ALDH1L2: variants seen among roughly 807,000 people sequenced by gnomAD.
The protein encoded by ALDH1L2 is mitochondrial 10-formyltetrahydrofolate dehydrogenase.
In ALDH1L2, 91 loss-of-function variants were observed where a neutral mutation model predicts 111.0. That is an observed-to-expected ratio of 0.82 (90% confidence interval 0.69 to 0.98). The LOEUF (loss-of-function observed/expected upper bound fraction) is 0.98. ALDH1L2 is among the 50% of genes least tolerant of loss of function. The probability of loss-of-function intolerance (pLI) is 0.00; values close to 1 mark genes in which losing one functional copy is unlikely to be tolerated. For missense variants in ALDH1L2, 995 were observed against 1,126.8 expected (o/e 0.88, Z 1.67); for synonymous variants, 374 against 392.6 (o/e 0.95, Z 0.56).
At chr12:105,060,937 C>A (rs1876957615) in intron 9 of ALDH1L2, 44 bp downstream of exon 9, 1 of 1,545,812 alleles carries the variant, frequency 6.5e-7, no homozygotes. Context: ...GTCAAAATCT[C>A]TAGTGAGGGA....
At chr12:105,029,646 T>C (rs915612543) in intron 21 of ALDH1L2, among the ~76,000 whole-genome samples, 1 of 152,212 alleles carries the variant, frequency 6.6e-6, no homozygotes, top group African/African-American at 2.4e-5. Context: ...CCTGAAGTCT[T>C]TTATACTATA....
chr12:105,058,651 T>C (rs147592106), intron 9 of ALDH1L2, among the ~76,000 whole-genome samples: 111 of 152,354 alleles, frequency 7.3e-4, no homozygotes, highest in African/African-American at 2.5e-3. Flanking sequence ...TGGACATTTG[T>C]TTGTATTACG....
intron 2 of ALDH1L2, chr12:105,072,502 A>G (rs1877795362): frequency 6.6e-6 from 1 of 152,170 alleles, no homozygotes; most frequent in Non-Finnish European, 1.5e-5. Context: ...GACCAGCACA[A>G]TAGTGTTCAC....
intron 19 of ALDH1L2, 105 bp downstream of exon 19, chr12:105,034,195 A>G (rs1874855326): frequency 3.7e-6 from 4 of 1,095,674 alleles, no homozygotes; most frequent in Non-Finnish European, 5.3e-6. Context: ...CATAACCACA[A>G]TACTGTTATC....
At position 105,031,947 on chromosome 12, in the gene ALDH1L2, C is replaced by T; in HGVS notation, c.2245-13G>A. 2 of 1,612,498 alleles carry T rather than the reference C, an allele frequency of 1.2e-6. No individual in the cohort carries two copies. The highest frequency in any genetic ancestry group is 2.2e-5 in the South Asian group (2 of 90,926). On this transcript the variant is annotated splice_polypyrimidine_tract_variant and intron_variant, in intron 19 of 22. Coordinates refer to ENST00000258494, the MANE Select transcript of ALDH1L2 (RefSeq NM_001034173.4). Reference sequence around the variant, plus strand: ...TAATTTCTTCTACCTGTATGTTACCCAGTCCATAAAAACACAATTCACTGT... The same window carrying T: ...TAATTTCTTCTACCTGTATGTTACCTAGTCCATAAAAACACAATTCACTGT...
At chr12:105,050,754 A>G (rs1167033327) in intron 12 of ALDH1L2, 4 of 442,662 alleles carry the variant, frequency 9.0e-6, no homozygotes, top group Admixed American at 2.5e-5. Flanking sequence ...TAAAGGAAAG[A>G]GGCAAGAGCA....
chr12:105,050,302 A>G (rs1026431845), intron 12 of ALDH1L2: 4 of 283,334 alleles, frequency 1.4e-5, no homozygotes, highest in East Asian at 6.8e-5. Flanking sequence ...TGCCTCATCT[A>G]TGTGTAAGAA....
chr12:105,045,952 T>C (rs1421732920), intron 15 of ALDH1L2, among the ~76,000 whole-genome samples: 1 of 151,902 alleles, frequency 6.6e-6, no homozygotes, highest in East Asian at 1.9e-4. Context: ...TTTTACATAG[T>C]GCACTTTATA....
chr12:105,059,468 G>A (rs565900980), intron 9 of ALDH1L2, among the ~76,000 whole-genome samples: 9 of 151,998 alleles, frequency 5.9e-5, no homozygotes, highest in Non-Finnish European at 1.2e-4. Flanking sequence ...CAGCCTAGGC[G>A]ACAGAGTGAG....
chr12:105,079,026 C>A (rs1054931561), intron 1 of ALDH1L2, among the ~76,000 whole-genome samples: 1 of 152,142 alleles, frequency 6.6e-6, no homozygotes, highest in Non-Finnish European at 1.5e-5. Context: ...TTCACTGAGC[C>A]GCTTTAAGCA....
chr12:105,052,276 A>C, intron 11 of ALDH1L2, 59 bp from the exon 12 acceptor site: 2 of 1,464,078 alleles, frequency 1.4e-6, no homozygotes, highest in Non-Finnish European at 1.8e-6. Context: ...GGTTCTTGGA[A>C]TTAATATTGT....
At chr12:105,066,135 T>A (rs1877338682) in intron 5 of ALDH1L2, among the ~76,000 whole-genome samples, 1 of 152,166 alleles carries the variant, frequency 6.6e-6, no homozygotes, top group Non-Finnish European at 1.5e-5. Flanking sequence ...CCAGATTTTT[T>A]AAGGAATATC....
chr12:105,036,511 ATT>A (rs1366084674), intron 18 of ALDH1L2, among the ~76,000 whole-genome samples: 3 of 46,460 alleles, frequency 6.5e-5, no homozygotes, highest in Admixed American at 3.2e-4. Context: ...GTATATATAT[ATT>A]TTATATATAT....
intron 18 of ALDH1L2, among the ~76,000 whole-genome samples, chr12:105,036,521 TATATATA>T (rs1875137256): frequency 7.8e-5 from 1 of 12,748 alleles, no homozygotes; most frequent in Non-Finnish European, 1.2e-4. Context: ...ATTTTATATA[TATATATA>T]TATATATATA....
At chr12:105,028,128 T>A (rs1191812796) in intron 21 of ALDH1L2, among the ~76,000 whole-genome samples, 1 of 152,160 alleles carries the variant, frequency 6.6e-6, no homozygotes, top group East Asian at 1.9e-4. Flanking sequence ...TTTTTCTTTT[T>A]GAGATGGAGT....
intron 2 of ALDH1L2, among the ~76,000 whole-genome samples, chr12:105,073,444 A>G (rs1202819503): frequency 1.3e-5 from 2 of 152,144 alleles, no homozygotes; most frequent in Non-Finnish European, 2.9e-5. Flanking sequence ...GCACTAAGGA[A>G]GAGTTCATTT....
At position 105,048,485 on chromosome 12, in the gene ALDH1L2, C is replaced by G. The variant is rs533409148; in HGVS notation, c.1686+1423G>C. 3.3e-5 allele frequency: 5 copies of G among 152,142 alleles called. No individual in the cohort carries two copies. In the South Asian group the frequency reaches 1.0e-3, roughly 32 times the overall value. 9.4% of individuals were successfully genotyped at this position (152,142 alleles called of 1,614,324 possible). Reference sequence around the variant, plus strand: ...CTTTGTTAAATTCCTCTTACCACTCCCCCTTTCTCACTTCCTTCTTTTTGC... The same window carrying G: ...CTTTGTTAAATTCCTCTTACCACTCGCCCTTTCTCACTTCCTTCTTTTTGC... On this transcript the variant is annotated intron_variant, in intron 13 of 22. Transcript: ENST00000258494.
chr12:105,079,733 C>T (rs990597754), intron 1 of ALDH1L2, among the ~76,000 whole-genome samples: 1 of 151,400 alleles, frequency 6.6e-6, no homozygotes, highest in Non-Finnish European at 1.5e-5. Flanking sequence ...AAGCTCCTTA[C>T]GAAAAGAAAA....
At chr12:105,051,542 G>A (rs1184432652) in intron 12 of ALDH1L2, among the ~76,000 whole-genome samples, 1 of 152,096 alleles carries the variant, frequency 6.6e-6, no homozygotes, top group Non-Finnish European at 1.5e-5. Flanking sequence ...ATCCTTTATT[G>A]GATTTCTTTG....
Sources: allele counts gnomAD v4.1 joint callset (sites outside exome capture counted in the v4.1 genomes callset), GRCh38; gene constraint gnomAD v4.1.1; transcripts MANE v1.5; gene names NCBI Gene and HGNC (gene_info 2026-07-23, HGNC 2026-07-21).